The following ANKS6 variants were observed in gnomAD, a reference collection of about 807,000 sequenced individuals.
The protein encoded by ANKS6 is ankyrin repeat and sterile alpha motif domain containing 6.
A neutral mutation model predicts 77.9 loss-of-function variants in ANKS6; 47 were observed. The ratio of observed to expected loss-of-function variants is 0.60; its 90% CI spans 0.48 to 0.77. ANKS6 has a LOEUF of 0.77. ANKS6 is among the 30% of genes least tolerant of loss of function. ANKS6 has a pLI of 0.00. For synonymous variants in ANKS6, 488 were observed against 501.7 expected (o/e 0.97, Z 0.37); for missense variants, 1,150 against 1,159.1 (o/e 0.99, Z 0.11).
chr9:98,749,858 G>A (rs4742738), intron 13 of ANKS6, among the ~76,000 whole-genome samples: 96,715 of 151,974 alleles, frequency 0.64, 31,699 homozygotes, highest in Non-Finnish European at 0.73. Flanking sequence ...TGGGGACAAT[G>A]AGTGATTCTC....
chr9:98,739,385 C>A (rs337581), intron 14 of ANKS6, among the ~76,000 whole-genome samples: 4 of 151,994 alleles, frequency 2.6e-5, no homozygotes, highest in Non-Finnish European at 5.9e-5. Flanking sequence ...GTGGGAGGAT[C>A]GCTTGAGCCC....
chr9:98,755,861 A>G (rs537061758), intron 12 of ANKS6, among the ~76,000 whole-genome samples: 2 of 152,190 alleles, frequency 1.3e-5, no homozygotes, highest in Non-Finnish European at 2.9e-5. Context: ...TGCTGGACCT[A>G]CTGAGAAAGT....
intron 4 of ANKS6, 87 bp downstream of exon 4, chr9:98,783,866 A>G: frequency 8.1e-7 from 1 of 1,235,320 alleles, no homozygotes; most frequent in South Asian, 2.0e-5. Flanking sequence ...GCAGCATCTC[A>G]GGACCAGAAG....
chr9:98,758,697 A>G (rs1425068279), intron 11 of ANKS6, among the ~76,000 whole-genome samples: 2 of 152,206 alleles, frequency 1.3e-5, no homozygotes, highest in East Asian at 3.8e-4. Context: ...TCTGACTTCA[A>G]CCCAACATCC....
At chr9:98,769,127 G>GAAAAAAAA (rs367857301) in intron 10 of ANKS6, among the ~76,000 whole-genome samples, 1 of 102,984 alleles carries the variant, frequency 9.7e-6, no homozygotes, top group Non-Finnish European at 2.0e-5. Flanking sequence ...CTGTCTCAAA[G>GAAAAAAAA]AAAAAAAAAA....
At chr9:98,788,621 G>A (rs986549882) in intron 2 of ANKS6, among the ~76,000 whole-genome samples, 8 of 152,340 alleles carry the variant, frequency 5.3e-5, no homozygotes, top group Middle Eastern at 6.8e-3. Flanking sequence ...TATCTCACAC[G>A]CCAGAGGATA....
chr9:98,790,508 C>T lies in ANKS6; in HGVS notation c.458G>A (p.Arg153Gln), dbSNP rs113520465. 8.7e-6 allele frequency: 14 copies of T among 1,613,272 alleles called. No individual in the cohort carries two copies. The highest frequency in any genetic ancestry group is 1.1e-5 in the Non-Finnish European group (13 of 1,179,934). ...CTTCACCACACCCAGGTGGCCGCCC[C>T]GAGAAGCCACAGTGAGCACACTGGC... is the stretch of plus-strand genomic sequence containing the variant. ...LGASVLTVAS[R>Q]GGHLGVVKLL... Residue 153 changes from arginine (R) to glutamine (Q), a missense_variant, in exon 2 of 15, where the codon CGG becomes CAG. Arg to Gln is a conservative substitution (Grantham distance 43). Transcript: ENST00000353234.
Position 98,768,205 on chromosome 9 carries a change from T to C in ANKS6, c.2018A>G (p.Lys673Arg). 6.2e-7 allele frequency: 1 copy of C among 1,614,192 alleles called. No individual in the cohort carries two copies. Among genetic ancestry groups the C allele is most frequent in the Non-Finnish European group, 8.5e-7 (1 of 1,180,044 alleles). Residue 673 changes from lysine to arginine, a missense_variant, in exon 11 of 15, where the codon AAA becomes AGA. Physicochemically the swap from Lys to Arg is conservative, Grantham distance 26. Transcript: ENST00000353234. ...NVLSQIAAQRKKAAGLLEQKP... is the reference protein window; with the variant it reads ...NVLSQIAAQRRKAAGLLEQKP... ...CTGCTCCAATAATCCGGCTGCTTTT[T>C]TCCTCTGGGCAGCGATTTGGGACAA...
At chr9:98,772,138 G>T (rs1833674658) in intron 9 of ANKS6, among the ~76,000 whole-genome samples, 1 of 152,212 alleles carries the variant, frequency 6.6e-6, no homozygotes, top group Non-Finnish European at 1.5e-5. Flanking sequence ...GAATGAGGAT[G>T]AGCTTATATG....
At chr9:98,796,093 C>A (rs1311090314) in intron 1 of ANKS6, 40 bp downstream of exon 1, 5 of 1,291,596 alleles carry the variant, frequency 3.9e-6, no homozygotes, top group African/African-American at 3.1e-5. Context: ...CAGCGCCGGG[C>A]ACCACTCTGG....
Position 98,735,696 on chromosome 9 carries a change from G to A in ANKS6, c.*823C>T. ...ATCTGGTCTGACCTTCCACTTTGCA[G>A]ATAAGGAAACTGAAAGCTAGGAAGA... On this transcript the variant is annotated 3_prime_UTR_variant, in exon 15 of 15. Transcript: ENST00000353234. The A allele has an allele frequency of 8.1e-7, 1 of 1,231,736 alleles. No individual in the cohort carries two copies. The highest frequency in any genetic ancestry group is 3.2e-5 in the East Asian group (1 of 31,708). The allele number at this position is 1,231,736 out of a possible 1,614,324, so 76.3% of individuals were successfully genotyped here.
intron 2 of ANKS6, among the ~76,000 whole-genome samples, chr9:98,787,388 T>A (rs77260229): frequency 1.3e-5 from 2 of 148,616 alleles, no homozygotes; most frequent in Admixed American, 6.7e-5. Context: ...TTTTTTTTTT[T>A]AACCCTGTGG....
intron 14 of ANKS6, among the ~76,000 whole-genome samples, chr9:98,743,797 A>T (rs1301546004): frequency 6.6e-6 from 1 of 152,220 alleles, no homozygotes; most frequent in African/African-American, 2.4e-5. Flanking sequence ...GCACAGAGTG[A>T]TTCTGAATGG....
chr9:98,737,790 A>G (rs1831583577), intron 14 of ANKS6, among the ~76,000 whole-genome samples: 1 of 152,250 alleles, frequency 6.6e-6, no homozygotes. Context: ...AGAATAAGCA[A>G]AAAGAACAAA....
At chr9:98,760,566 G>A (rs1832953019) in intron 11 of ANKS6, among the ~76,000 whole-genome samples, 1 of 152,216 alleles carries the variant, frequency 6.6e-6, no homozygotes, top group Admixed American at 6.5e-5. Flanking sequence ...ACTGGATGAA[G>A]ACCAAATATA....
Position 98,735,958 on chromosome 9 carries a change from G to A in ANKS6, c.*561C>T, listed in dbSNP as rs760389010. ...AGGAGGGGCAAGTTAGAAGTTTTAA[G>A]GGAAGATGTGCCAGGAAGGCTAACC... On this transcript the variant is annotated 3_prime_UTR_variant, in exon 15 of 15. Transcript: ENST00000353234. The A allele has an allele frequency of 2.4e-6, 3 of 1,228,578 alleles. No individual in the cohort carries two copies. The highest frequency in any genetic ancestry group is 3.0e-6 in the Non-Finnish European group (3 of 986,654). The allele number at this position is 1,228,578 out of a possible 1,614,324, so 76.1% of individuals were successfully genotyped here.
chr9:98,752,585 A>G (rs1458664461), intron 12 of ANKS6, among the ~76,000 whole-genome samples: 1 of 152,242 alleles, frequency 6.6e-6, no homozygotes, highest in Non-Finnish European at 1.5e-5. Context: ...CAGTGCTATC[A>G]GCCAGCCTGT....
In ANKS6 at chr9:98,736,347, T is replaced by C; in HGVS notation, c.*172A>G. 5 of 1,424,740 alleles carry C rather than the reference T, an allele frequency of 3.5e-6. No homozygotes were observed. Among genetic ancestry groups the C allele is most frequent in the South Asian group, 1.5e-5 (1 of 65,004 alleles). 88.3% of individuals were successfully genotyped at this position (1,424,740 alleles called of 1,614,324 possible). A position where few individuals can be genotyped will look rare whatever the true frequency, so the allele number is the denominator to read the frequency against. On this transcript the variant is annotated 3_prime_UTR_variant, in exon 15 of 15. Transcript: ENST00000353234. ...ATCTGTCTCTGTGTGTTGAAGTTTG[T>C]TGCAGCAAGAAGTACTACCAATGAA...
chr9:98,734,473 T>C lies in ANKS6; in HGVS notation c.*2046A>G. The C allele has an allele frequency of 1.0e-6, 1 of 985,418 alleles. No homozygotes were observed. The highest frequency in any genetic ancestry group is 4.7e-5 in the South Asian group (1 of 21,276). The allele number at this position is 985,418 out of a possible 1,614,324, so 61.0% of individuals were successfully genotyped here. A position where few individuals can be genotyped will look rare whatever the true frequency, so the allele number is the denominator to read the frequency against. On this transcript the variant is annotated 3_prime_UTR_variant, in exon 15 of 15. Transcript: ENST00000353234. ...TCAAAGCACATAACGTCAGGGGCCA[T>C]GAATTTCAGAGGCAAACAATTCTAG...
Sources: allele counts gnomAD v4.1 joint callset (sites outside exome capture counted in the v4.1 genomes callset), GRCh38; gene constraint gnomAD v4.1.1; transcripts MANE v1.5; gene names NCBI Gene and HGNC (gene_info 2026-07-23, HGNC 2026-07-21).